Variants in XYLT2 observed in about 807,000 individuals in gnomAD.
The protein encoded by XYLT2 is xylosyltransferase 2.
In XYLT2, 37 loss-of-function variants were observed where a neutral mutation model predicts 82.6. The ratio of observed to expected loss-of-function variants is 0.45; its 90% confidence interval spans 0.34 to 0.59. The LOEUF is 0.59. Among genes scored for constraint, XYLT2 ranks in the 20% least tolerant of loss-of-function variants. The pLI is 0.01. For synonymous variants in XYLT2, 474 were observed against 499.0 expected (o/e 0.95, Z 0.67); for missense variants, 934 against 1,181.3 (o/e 0.79, Z 3.07).
chr17:50,360,120 G>A lies in XYLT2; in HGVS notation c.2427G>A (p.Glu809=). 9.3e-6 allele frequency: 15 copies of A among 1,613,974 alleles called. No individual in the cohort carries two copies. The highest frequency in any genetic ancestry group is 1.2e-5 in the Non-Finnish European group (14 of 1,179,970). The change falls in exon 11 of 11, where the codon GAG becomes GAA. Residue 809 remains glutamate (E), a synonymous_variant. Transcript: ENST00000017003. ...RHTQLTGPAL[E]AWTDRELSSF... is the part of the protein sequence containing the mutation. ...CACAGCTCACAGGCCCTGCGCTCGA[G>A]GCCTGGACAGACAGGGAACTGAGCA...
intron 1 of XYLT2, among the ~76,000 whole-genome samples, chr17:50,350,256 A>G (rs1246374047): frequency 1.0e-5 from 1 of 98,268 alleles, no homozygotes; most frequent in Non-Finnish European, 2.2e-5. Context: ...CTTTGCATTC[A>G]TTCATTCATT....
intron 1 of XYLT2, among the ~76,000 whole-genome samples, chr17:50,347,278 C>CT (rs955111172): frequency 3.5e-5 from 5 of 144,786 alleles, no homozygotes; most frequent in Non-Finnish European, 7.6e-5. Flanking sequence ...GTCAGAGACT[C>CT]TATCTGCTGC....
chr17:50,346,167 G>C lies in XYLT2; in HGVS notation c.27G>C (p.Lys9Asn), dbSNP rs1395153856. The C allele has an allele frequency of 7.8e-7, 1 of 1,283,582 alleles. No homozygotes were observed. Among genetic ancestry groups the C allele is most frequent in the Admixed American group, 2.8e-5 (1 of 35,094 alleles). The allele number at this position is 1,283,582 out of a possible 1,614,324, so 79.5% of individuals were successfully genotyped here. A position where few individuals can be genotyped will look rare whatever the true frequency, so the allele number is the denominator to read the frequency against. ...TGGTGGCGAGCGCGCGAGTGCAGAA[G>C]CTGGTGCGGCGCTACAAGCTGGCGA... is the stretch of plus-strand genomic sequence containing the variant. MVASARVQ[K>N]LVRRYKLAIA... Residue 9 changes from lysine to asparagine, a missense_variant, in exon 1 of 11, where the codon AAG (lysine) becomes AAC (asparagine). Transcript: ENST00000017003. This position sits in a 1 kb window ranked among gnomAD's most constrained non-coding sequence, Gnocchi z 5.1.
chr17:50,354,285 G>A, intron 2 of XYLT2, 123 bp from the exon 3 acceptor site: 1 of 1,487,904 alleles, frequency 6.7e-7, no homozygotes, highest in South Asian at 1.3e-5. Flanking sequence ...GGCAGAGTGG[G>A]GACCCACGAG....
chr17:50,357,166 G>A lies in XYLT2; in HGVS notation c.1855G>A (p.Glu619Lys), dbSNP rs760688784. Reference protein sequence around the residue: ...AVQPSAQGPAETLEMWLMPQG... With the variant: ...AVQPSAQGPAKTLEMWLMPQG... ...GCAGCCCTCAGCCCAGGGGCCGGCA[G>A]AGACGCTTGAGATGTGGCTGATGCC... Residue 619 changes from glutamate (E) to lysine (K), a missense_variant, in exon 9 of 11, where the codon GAG (glutamate) becomes AAG (lysine). By Grantham distance (56) the Glu-to-Lys change is moderately conservative. Around this residue, in one of 3 missense-constraint regions of XYLT2, gnomAD observed 374 missense variants for 465.6 expected, o/e 0.80. Coordinates refer to ENST00000017003, the MANE Select transcript of XYLT2 (RefSeq NM_022167.4). The A allele has an allele frequency of 1.9e-6, 3 of 1,612,870 alleles. No individual in the cohort carries two copies.
At chr17:50,356,811 T>TGTG in intron 8 of XYLT2, 38 bp downstream of exon 8, 2 of 1,576,480 alleles carry the variant, frequency 1.3e-6, no homozygotes, top group South Asian at 2.3e-5. Context: ...GCCCTTGGGG[T>TGTG]GTGGTGCCCT....
chr17:50,353,249 G>C (rs1289769789), intron 1 of XYLT2, among the ~76,000 whole-genome samples: 1 of 152,010 alleles, frequency 6.6e-6, no homozygotes, highest in Non-Finnish European at 1.5e-5. Flanking sequence ...TGGGTCTTAG[G>C]TGGACACTTG....
chr17:50,350,618 C>T (rs541803700), intron 1 of XYLT2, among the ~76,000 whole-genome samples: 1 of 152,256 alleles, frequency 6.6e-6, no homozygotes, highest in Non-Finnish European at 1.5e-5. Flanking sequence ...CTCCTAGGTG[C>T]TACGACTATG....
chr17:50,355,367 C>G, intron 4 of XYLT2, 134 bp from the exon 5 acceptor site: 2 of 969,590 alleles, frequency 2.1e-6, no homozygotes, highest in Non-Finnish European at 3.1e-6. Flanking sequence ...TGCTCACCAC[C>G]CCAGACATCA....
At position 50,360,299 on chromosome 17, in the gene XYLT2, C is replaced by G. The variant is rs756980598; in HGVS notation, c.*8C>G. On this transcript the variant is annotated 3_prime_UTR_variant, in exon 11 of 11. Coordinates refer to ENST00000017003, the MANE Select transcript of XYLT2 (RefSeq NM_022167.4). The stretch of plus-strand genomic sequence containing the variant: ...GACGGGCGACTCAGGTAGCAGGGCC[C>G]CAGCCAGTACCCGTGGAGGACCCGG... 1 of 1,575,424 alleles carries G rather than the reference C, an allele frequency of 6.3e-7. No individual in the cohort carries two copies. The highest frequency in any genetic ancestry group is 8.6e-7 in the Non-Finnish European group (1 of 1,158,694).
At chr17:50,355,642 T>A in intron 5 of XYLT2, 61 bp downstream of exon 5, 8 of 1,603,696 alleles carry the variant, frequency 5.0e-6, no homozygotes, top group Non-Finnish European at 6.8e-6. Context: ...TCCCACACAG[T>A]TGGGCTCGGT....
chr17:50,348,212 T>G (rs1912116916), intron 1 of XYLT2, among the ~76,000 whole-genome samples: 1 of 152,216 alleles, frequency 6.6e-6, no homozygotes, highest in South Asian at 2.1e-4. Flanking sequence ...TCTGCCCTCA[T>G]GGACAGGTAA....
At chr17:50,355,153 G>T (rs1912463731) in intron 4 of XYLT2, 97 bp downstream of exon 4, 2 of 1,331,580 alleles carry the variant, frequency 1.5e-6, no homozygotes, top group Non-Finnish European at 2.1e-6. Flanking sequence ...TGCCCCATAA[G>T]CGTAACTCTG....
At chr17:50,359,758 A>C in intron 10 of XYLT2, 1 of 578,598 alleles carries the variant, frequency 1.7e-6, no homozygotes, top group Non-Finnish European at 3.1e-6. Flanking sequence ...TGCATCCTAA[A>C]GTTGGGAATC....
Position 50,355,385 on chromosome 17 carries a change from G to T in XYLT2, c.1008-116G>T, listed in dbSNP as rs1006751570. On this transcript the variant is annotated intron_variant, in intron 4 of 10. Transcript: ENST00000017003. ...TCACCACCCCAGACATCAGCCAGGGGTAGGGCACATGGCCAGCCAGCAATC... is the reference window on the plus strand; with the variant it reads ...TCACCACCCCAGACATCAGCCAGGGTTAGGGCACATGGCCAGCCAGCAATC... 6.2e-6 allele frequency: 7 copies of T among 1,129,000 alleles called. No homozygotes were observed. The East Asian group carries it at 9.9e-5, about 16-fold the overall frequency. The allele number at this position is 1,129,000 out of a possible 1,614,324, so 69.9% of individuals were successfully genotyped here.
intron 1 of XYLT2, among the ~76,000 whole-genome samples, chr17:50,350,948 C>T (rs778079768): frequency 5.9e-5 from 9 of 151,862 alleles, no homozygotes; most frequent in South Asian, 2.1e-4. Context: ...GATGAGGGGA[C>T]GCAGAGAAAA....
At position 50,353,869 on chromosome 17, in the gene XYLT2, G is replaced by A; in HGVS notation, c.375G>A (p.Gly125=). ...CCCCAGGCCGCCAGAACCTGAGTGG[G>A]GCAGCAGCTGGGGAGGCGCTGGTAG... ...PEAPGRQNLS[G]AAAGEALVGA... is the part of the protein sequence containing the mutation. The change falls in exon 2 of 11, where the codon GGG becomes GGA. Residue 125 remains glycine, a synonymous_variant. Transcript: ENST00000017003. 1 of 1,608,770 alleles carries A rather than the reference G, an allele frequency of 6.2e-7. No individual in the cohort carries two copies. Among genetic ancestry groups the A allele is most frequent in the Admixed American group, 1.7e-5 (1 of 59,834 alleles).
Position 50,359,955 on chromosome 17 carries a change from C to T in XYLT2, c.2276-14C>T. 1 of 1,570,666 alleles carries T rather than the reference C, an allele frequency of 6.4e-7. No individual in the cohort carries two copies. On this transcript the variant is annotated splice_polypyrimidine_tract_variant and intron_variant, in intron 10 of 10. Transcript: ENST00000017003. Reference sequence around the variant, plus strand: ...TTGCAGGGGGTGTGCTTACTGCCTGCTCTGCACCCACAGATGATGCCAGCT... The same window carrying T: ...TTGCAGGGGGTGTGCTTACTGCCTGTTCTGCACCCACAGATGATGCCAGCT...
rs145129008 is a variant in XYLT2, at chr17:50,357,138, G to A, written c.1827G>A (p.Ala609=). 7.1e-5 allele frequency: 114 copies of A among 1,613,636 alleles called. No individual in the cohort carries two copies. Among genetic ancestry groups the A allele is most frequent in the South Asian group, 1.4e-4 (13 of 91,080 alleles). ...DHFQGYLVTQ[A]VQPSAQGPAE... ...TCCAGGGCTACCTGGTGACGCAGGC[G>A]GTGCAGCCCTCAGCCCAGGGGCCGG... The change falls in exon 9 of 11, where the codon GCG becomes GCA. Residue 609 remains alanine, a synonymous_variant. Transcript: ENST00000017003.
Sources: gnomAD v4.1 joint callset for allele counts (sites outside exome capture counted in the v4.1 genomes callset) on GRCh38, gnomAD v4.1.1 for gene constraint, gnomAD v4.1.1 regional missense constraint, Gnocchi (gnomAD v3.1) non-coding constraint, MANE v1.5 for transcripts, NCBI Gene and HGNC (gene_info 2026-07-23, HGNC 2026-07-21) for gene names.